Variants in RBMS3 observed in about 807,000 individuals in gnomAD.
RBMS3 encodes RNA-binding motif, single-stranded-interacting protein 3.
In RBMS3, 27 loss-of-function variants were observed where a neutral mutation model predicts 66.8. That is an observed-to-expected ratio of 0.40 (90% CI 0.30 to 0.56). The LOEUF (loss-of-function observed/expected upper bound fraction) is 0.56. Ranked by LOEUF, RBMS3 falls within the 20% of genes least tolerant of loss-of-function variation. RBMS3 has a pLI of 0.40. For missense variants in RBMS3, 513 were observed against 549.5 expected, an observed-to-expected ratio of 0.93 and a Z score of 0.66; for synonymous variants, 188 against 183.0, an observed-to-expected ratio of 1.03 and a Z score of -0.22.
chr3:29,413,113 G>A (rs998619907), intron 1 of RBMS3, among the ~76,000 whole-genome samples: 1 of 152,176 alleles, frequency 6.6e-6, no homozygotes, highest in African/African-American at 2.4e-5. Flanking sequence ...GCTCACACCT[G>A]TAATCCCAGC....
At chr3:29,733,487 T>C (rs2054224260) in intron 4 of RBMS3, among the ~76,000 whole-genome samples, 1 of 152,098 alleles carries the variant, frequency 6.6e-6, no homozygotes, top group Non-Finnish European at 1.5e-5. Flanking sequence ...TGACTAAAAG[T>C]GTATACGAGT....
intron 6 of RBMS3, among the ~76,000 whole-genome samples, chr3:29,866,877 A>G (rs1201391053): frequency 6.6e-6 from 1 of 152,176 alleles, no homozygotes; most frequent in Non-Finnish European, 1.5e-5. Context: ...AGTCAGTGTG[A>G]AAAACCACTT....
At chr3:29,349,124 T>C (rs1254863519) in intron 1 of RBMS3, among the ~76,000 whole-genome samples, 3 of 152,210 alleles carry the variant, frequency 2.0e-5, no homozygotes, top group Non-Finnish European at 4.4e-5. Flanking sequence ...AGGCCTTTAC[T>C]GTGGATGTTT....
At position 29,733,633 on chromosome 3, in the gene RBMS3, T is replaced by C. The variant is rs147269502; in HGVS notation, c.400-6087T>C. On this transcript the variant is annotated intron_variant, in intron 4 of 14. Transcript: ENST00000383767. ...CTGATGATTAGTGATGTTGAGTATA[T>C]TTCTCATATATCTGTTGGCCATTAT... Among the ~76,000 whole-genome samples the C allele has an allele frequency of 1.1e-4, 17 of 152,280 alleles. No individual in the cohort carries two copies. The East Asian group carries it at 2.9e-3, about 26-fold the overall frequency.
At chr3:29,402,162 T>C (rs968736139) in intron 1 of RBMS3, among the ~76,000 whole-genome samples, 5 of 152,056 alleles carry the variant, frequency 3.3e-5, no homozygotes, top group Non-Finnish European at 7.4e-5. Flanking sequence ...ACTAGGCTTG[T>C]GGATATATGC....
In RBMS3 at chr3:29,290,191, A is replaced by G. The variant is rs113834366; in HGVS notation, c.75+8435A>G. On this transcript the variant is annotated intron_variant, in intron 1 of 14. Transcript: ENST00000383767. The stretch of plus-strand genomic sequence containing the variant: ...TGTCAATCATATAAATGGTATTCTG[A>G]CACCCAATATATAACTTAAAATTAA... Among the ~76,000 whole-genome samples, 740 of 151,968 alleles carry G rather than the reference A, an allele frequency of 4.9e-3. 9 individuals carry two copies. Among genetic ancestry groups the G allele is most frequent in the African/African-American group, 0.017 (693 of 41,516 alleles).
chr3:29,487,634 A>G (rs2043372925), intron 2 of RBMS3, among the ~76,000 whole-genome samples: 1 of 152,164 alleles, frequency 6.6e-6, no homozygotes, highest in Non-Finnish European at 1.5e-5. Context: ...CATTAATAAT[A>G]CTTACTCTGT....
intron 1 of RBMS3, among the ~76,000 whole-genome samples, chr3:29,327,429 A>C (rs2035404838): frequency 6.6e-6 from 1 of 152,168 alleles, no homozygotes; most frequent in Non-Finnish European, 1.5e-5. Context: ...TGTTCTCCAA[A>C]AAATGCCCGC....
At chr3:29,448,709 G>A (rs2041919035) in intron 2 of RBMS3, among the ~76,000 whole-genome samples, 1 of 152,152 alleles carries the variant, frequency 6.6e-6, no homozygotes, top group Non-Finnish European at 1.5e-5. Context: ...TACCATGTAA[G>A]TCCTACATCC....
chr3:29,522,564 AG>A (rs1458013207), intron 3 of RBMS3, among the ~76,000 whole-genome samples: 2 of 152,104 alleles, frequency 1.3e-5, no homozygotes, highest in African/African-American at 4.8e-5. Flanking sequence ...CTAGGTCTAG[AG>A]GATTGTGGCA....
intron 6 of RBMS3, among the ~76,000 whole-genome samples, chr3:29,779,291 A>G (rs903168634): frequency 4.0e-5 from 6 of 149,988 alleles, no homozygotes; most frequent in Non-Finnish European, 9.0e-5. Flanking sequence ...GTGTATATAT[A>G]TGTAAACATA....
intron 4 of RBMS3, among the ~76,000 whole-genome samples, chr3:29,623,016 C>A (rs1030293580): frequency 3.4e-5 from 5 of 149,246 alleles, no homozygotes; most frequent in Non-Finnish European, 7.4e-5. Context: ...ACTAGGGAGG[C>A]TGAGGAAGGA....
intron 6 of RBMS3, among the ~76,000 whole-genome samples, chr3:29,779,230 T>A (rs969979657): frequency 1.3e-5 from 2 of 151,736 alleles, no homozygotes; most frequent in African/African-American, 4.8e-5. Context: ...AGAGAAACAA[T>A]CTTTCTTTGA....
chr3:29,719,928 T>TA (rs1015359645), intron 4 of RBMS3, among the ~76,000 whole-genome samples: 25 of 138,960 alleles, frequency 1.8e-4, no homozygotes, highest in South Asian at 5.0e-4. Context: ...TTCTTACAGA[T>TA]ACATTTTTTT....
At chr3:29,450,748 CAA>C (rs2041984188) in intron 2 of RBMS3, among the ~76,000 whole-genome samples, 1 of 151,886 alleles carries the variant, frequency 6.6e-6, no homozygotes, top group South Asian at 2.1e-4. Context: ...GGAAAACAAA[CAA>C]ACAAAAAATA....
intron 4 of RBMS3, among the ~76,000 whole-genome samples, chr3:29,679,098 T>C (rs1006208821): frequency 2.0e-5 from 3 of 152,120 alleles, no homozygotes; most frequent in Admixed American, 2.0e-4. Flanking sequence ...TGAAAATTCA[T>C]GGGCACCACC....
intron 1 of RBMS3, among the ~76,000 whole-genome samples, chr3:29,392,180 G>A (rs1015315186): frequency 1.3e-5 from 2 of 152,186 alleles, no homozygotes; most frequent in Non-Finnish European, 2.9e-5. Context: ...AACCCGGGAG[G>A]TGGAGGCTGC....
intron 1 of RBMS3, among the ~76,000 whole-genome samples, chr3:29,427,129 A>G (rs2125711300): frequency 6.6e-6 from 1 of 152,282 alleles, no homozygotes; most frequent in Middle Eastern, 3.4e-3. Context: ...TTTGTCTTTT[A>G]TTGCTTATTT....
At chr3:29,392,798 C>T (rs1243015674) in intron 1 of RBMS3, among the ~76,000 whole-genome samples, 1 of 151,700 alleles carries the variant, frequency 6.6e-6, no homozygotes, top group Non-Finnish European at 1.5e-5. Flanking sequence ...GCAAGGATGA[C>T]AGAAGAGAAT....
Sources: allele counts gnomAD v4.1 joint callset (sites outside exome capture counted in the v4.1 genomes callset), GRCh38; gene constraint gnomAD v4.1.1; transcripts MANE v1.5; gene names NCBI Gene and HGNC (gene_info 2026-07-23, HGNC 2026-07-21).